The following MTARC2 variants were observed in gnomAD, a reference collection of about 807,000 sequenced individuals.
The protein encoded by MTARC2 is MOCO sulphurase C-terminal domain containing 2.
Under a neutral mutation model 35.6 loss-of-function variants are expected in MTARC2, and 27 were observed. The ratio of observed to expected loss-of-function variants is 0.76; its 90% CI spans 0.56 to 1.04. The LOEUF is 1.04. MTARC2 is among the 50% of genes least tolerant of loss of function. The pLI, the probability that MTARC2 is intolerant of heterozygous loss-of-function variation, is 0.00. For synonymous variants in MTARC2, 158 were observed against 167.1 expected, an observed-to-expected ratio of 0.95 and a Z score of 0.42; for missense variants, 412 against 432.5, an observed-to-expected ratio of 0.95 and a Z score of 0.42.
chr1:220,759,530 C>A (rs553314866), intron 2 of MTARC2, among the ~76,000 whole-genome samples: 2 of 152,152 alleles, frequency 1.3e-5, no homozygotes, highest in East Asian at 1.9e-4. Context: ...ATTCCATTGC[C>A]CTGTTGGGGG....
chr1:220,772,187 C>T (rs11118599), intron 4 of MTARC2, among the ~76,000 whole-genome samples: 48,394 of 152,000 alleles, frequency 0.32, 8,876 homozygotes, highest in East Asian at 0.68. Context: ...CATTTTCTCT[C>T]ACATAAATAA....
intron 3 of MTARC2, among the ~76,000 whole-genome samples, chr1:220,762,704 T>G (rs969174786): frequency 5.3e-5 from 8 of 152,208 alleles, no homozygotes; most frequent in Non-Finnish European, 7.3e-5. Context: ...GAGCCGGCCC[T>G]GGCTGCAGCC....
At chr1:220,759,223 CA>C (rs1252191169) in intron 2 of MTARC2, among the ~76,000 whole-genome samples, 1 of 152,080 alleles carries the variant, frequency 6.6e-6, no homozygotes, top group Non-Finnish European at 1.5e-5. Flanking sequence ...AGAGTCTATT[CA>C]AGTTTTTATG....
At chr1:220,778,538 T>C (rs183875472) in intron 4 of MTARC2, among the ~76,000 whole-genome samples, 247 of 152,304 alleles carry the variant, frequency 1.6e-3, no homozygotes, top group Non-Finnish European at 2.8e-3. Flanking sequence ...ACCCCCATGA[T>C]TGAATTCTGT....
At chr1:220,777,343 GC>G (rs1671945006) in intron 4 of MTARC2, among the ~76,000 whole-genome samples, 1 of 152,132 alleles carries the variant, frequency 6.6e-6, no homozygotes, top group South Asian at 2.1e-4. Context: ...ACCACTATAG[GC>G]CCGGGAGGGG....
intron 4 of MTARC2, among the ~76,000 whole-genome samples, chr1:220,773,772 G>A (rs558812588): frequency 6.6e-6 from 1 of 152,132 alleles, no homozygotes; most frequent in South Asian, 2.1e-4. Flanking sequence ...TTTTTAAGAT[G>A]TGCTGTTGGG....
chr1:220,771,970 A>G, intron 4 of MTARC2, among the ~76,000 whole-genome samples: 1 of 152,220 alleles, frequency 6.6e-6, no homozygotes, highest in South Asian at 2.1e-4. Flanking sequence ...CTGTGATAAC[A>G]TTTTGTTGTG....
At chr1:220,778,178 A>G (rs1671966259) in intron 4 of MTARC2, among the ~76,000 whole-genome samples, 1 of 135,624 alleles carries the variant, frequency 7.4e-6, no homozygotes, top group Non-Finnish European at 1.6e-5. Flanking sequence ...GGAGGCGGAG[A>G]TTGCGGCTGC....
chr1:220,755,311 A>C (rs1383489229), intron 2 of MTARC2, among the ~76,000 whole-genome samples, 191 bp downstream of exon 2: 1 of 152,192 alleles, frequency 6.6e-6, no homozygotes, highest in East Asian at 1.9e-4. Flanking sequence ...CAGGGTACCT[A>C]GGATTTGTTT....
rs759945465 is a variant in MTARC2, at chr1:220,761,830, C to T, written c.609+10C>T. The T allele has an allele frequency of 8.6e-5, 138 of 1,598,378 alleles. No individual in the cohort carries two copies. Among genetic ancestry groups the T allele is most frequent in the Non-Finnish European group, 1.1e-4 (135 of 1,173,964 alleles). On this transcript the variant is annotated intron_variant, in intron 3 of 7. Transcript: ENST00000366913. ...TGATCAGAATTTCCAGGTGAGCTTACAGAGAGTTTACCTTCACTGCTACTA... is the reference window on the plus strand; with the variant it reads ...TGATCAGAATTTCCAGGTGAGCTTATAGAGAGTTTACCTTCACTGCTACTA...
At chr1:220,763,554 C>T (rs905856194) in intron 4 of MTARC2, among the ~76,000 whole-genome samples, 2 of 152,204 alleles carry the variant, frequency 1.3e-5, no homozygotes, top group African/African-American at 4.8e-5. Context: ...TGACACCAGA[C>T]ATTTCCACCC....
chr1:220,777,838 T>G (rs191477148), intron 4 of MTARC2, among the ~76,000 whole-genome samples: 8 of 152,236 alleles, frequency 5.3e-5, no homozygotes, highest in Admixed American at 3.9e-4. Flanking sequence ...TGGGGTTACC[T>G]CCCAATAAAT....
intron 1 of MTARC2, among the ~76,000 whole-genome samples, chr1:220,750,114 AT>A (rs1424548414): frequency 6.6e-6 from 1 of 152,160 alleles, no homozygotes; most frequent in African/African-American, 2.4e-5. Context: ...CTCGTGTAGA[AT>A]GTTTAAATCT....
chr1:220,784,148 T>TC lies in MTARC2; in HGVS notation c.*262dup, dbSNP rs1672152889. On this transcript the variant is annotated 3_prime_UTR_variant, in exon 8 of 8. Coordinates refer to ENST00000366913, the MANE Select transcript of MTARC2 (RefSeq NM_017898.5). ...CTGAAGGCTTTAAAAATAATTAAGA[T>TC]CATCAAAAATGCTATTTTGAATGTT... is the stretch of plus-strand genomic sequence containing the variant. 1.2e-5 allele frequency: 6 copies of TC among 480,698 alleles called. No homozygotes were observed. In the South Asian group the frequency reaches 2.6e-4, roughly 21 times the overall value. The allele number at this position is 480,698 out of a possible 1,614,324, so 29.8% of individuals were successfully genotyped here. A position where few individuals can be genotyped will look rare whatever the true frequency, so the allele number is the denominator to read the frequency against.
rs1480010390 is a variant in MTARC2 at position 220,761,716 on chromosome 1, A to C, written c.505A>C (p.Thr169Pro). The C allele has an allele frequency of 6.2e-7, 1 of 1,614,198 alleles. No individual in the cohort carries two copies. Among genetic ancestry groups the C allele is most frequent in the Non-Finnish European group, 8.5e-7 (1 of 1,180,024 alleles). ...TGGCAATGAGGCAGCTAAGTGGTTC[A>C]CCAACTTCTTGAAAACTGAAGCGTA... ...DCGNEAAKWF[T>P]NFLKTEAYRL... is the part of the protein sequence containing the mutation. Residue 169 changes from threonine to proline, a missense_variant, in exon 3 of 8, where the codon ACC (threonine) becomes CCC (proline). Coordinates refer to ENST00000366913, the MANE Select transcript of MTARC2 (RefSeq NM_017898.5).
intron 7 of MTARC2, among the ~76,000 whole-genome samples, chr1:220,782,575 G>A (rs1231251290): frequency 6.6e-6 from 1 of 152,192 alleles, no homozygotes. Context: ...TTTTAAGCAA[G>A]TTTTCTCATA....
At chr1:220,769,657 T>G (rs1471775795) in intron 4 of MTARC2, among the ~76,000 whole-genome samples, 1 of 152,112 alleles carries the variant, frequency 6.6e-6, no homozygotes, top group African/African-American at 2.4e-5. Flanking sequence ...CATGATTTTC[T>G]GATCTGAAAG....
chr1:220,783,027 AG>A (rs1672124498), intron 7 of MTARC2, among the ~76,000 whole-genome samples: 1 of 152,216 alleles, frequency 6.6e-6, no homozygotes, highest in Non-Finnish European at 1.5e-5. Context: ...AAGATGACAC[AG>A]GCTTTGCCTT....
At chr1:220,766,731 C>T (rs1354978330) in intron 4 of MTARC2, among the ~76,000 whole-genome samples, 1 of 151,916 alleles carries the variant, frequency 6.6e-6, no homozygotes, top group Non-Finnish European at 1.5e-5. Context: ...AATTTTTGCT[C>T]TCCTATAACT....
Sources: allele counts gnomAD v4.1 joint callset (sites outside exome capture counted in the v4.1 genomes callset), GRCh38; gene constraint gnomAD v4.1.1; transcripts MANE v1.5; gene names NCBI Gene and HGNC (gene_info 2026-07-23, HGNC 2026-07-21).